Variants in ERBB4 observed in about 807,000 individuals in gnomAD.
The protein encoded by ERBB4 is receptor tyrosine-protein kinase erbB-4.
Under a neutral mutation model 158.0 loss-of-function variants are expected in ERBB4, and 42 were observed. That is an observed-to-expected ratio of 0.27 (90% CI 0.21 to 0.34). The LOEUF (loss-of-function observed/expected upper bound fraction) is 0.34. Among genes scored for constraint, ERBB4 ranks in the 10% least tolerant of loss-of-function variants. The pLI is 1.00. For missense variants in ERBB4, 1,333 were observed against 1,624.1 expected (o/e 0.82, Z 3.08); for synonymous variants, 583 against 558.7 (o/e 1.04, Z -0.61).
At position 212,322,176 on chromosome 2, in the gene ERBB4, G is replaced by A. The variant is rs900549485; in HGVS notation, c.83-197273C>T. ...ATAAAAATAGTTAGGCTTTTCTGTTGAGGCTGGAACTGAAGAGTGAACTGG... is the reference window on the plus strand; with the variant it reads ...ATAAAAATAGTTAGGCTTTTCTGTTAAGGCTGGAACTGAAGAGTGAACTGG... On this transcript the variant is annotated intron_variant, in intron 1 of 27. Transcript: ENST00000342788. Among the ~76,000 whole-genome samples, 9 of 150,364 alleles carry A rather than the reference G, an allele frequency of 6.0e-5. 1 individual carries two copies. Among genetic ancestry groups the A allele is most frequent in the African/African-American group, 2.2e-4 (9 of 41,214 alleles).
chr2:212,169,211 T>C (rs1048643672), intron 1 of ERBB4, among the ~76,000 whole-genome samples: 3 of 152,132 alleles, frequency 2.0e-5, no homozygotes, highest in African/African-American at 7.2e-5. Flanking sequence ...TAAAGAAATA[T>C]GTACAAAAAT....
intron 2 of ERBB4, among the ~76,000 whole-genome samples, chr2:211,964,609 G>T (rs2081264927): frequency 6.6e-6 from 1 of 152,028 alleles, no homozygotes; most frequent in Non-Finnish European, 1.5e-5. Context: ...CCTTAAGCAG[G>T]TTCCAGTACT....
chr2:212,521,709 T>C (rs1309037712), intron 1 of ERBB4, among the ~76,000 whole-genome samples: 1 of 151,974 alleles, frequency 6.6e-6, no homozygotes, highest in Non-Finnish European at 1.5e-5. Context: ...TAATATTCAA[T>C]TCCCTTTTTA....
intron 1 of ERBB4, among the ~76,000 whole-genome samples, chr2:212,289,462 T>C (rs1051596046): frequency 5.3e-5 from 8 of 152,336 alleles, no homozygotes; most frequent in Non-Finnish European, 1.0e-4. Context: ...TAAATCTCTT[T>C]ATAGGTTATT....
chr2:211,992,214 G>T lies in ERBB4; in HGVS notation c.235-44598C>A, dbSNP rs146766149. On this transcript the variant is annotated intron_variant, in intron 2 of 27. Transcript: ENST00000342788. The stretch of plus-strand genomic sequence containing the variant: ...ACACACCAGAGACTGGGAAGAAAAA[G>T]AGGTTTAATTGGACTTACAGTTCCA... Among the ~76,000 whole-genome samples, 119 of 152,222 alleles carry T rather than the reference G, an allele frequency of 7.8e-4. 2 individuals carry two copies. The East Asian group carries it at 0.021, about 27-fold the overall frequency.
At chr2:212,531,481 T>C (rs1692754207) in intron 1 of ERBB4, among the ~76,000 whole-genome samples, 2 of 152,160 alleles carry the variant, frequency 1.3e-5, no homozygotes, top group Non-Finnish European at 2.9e-5. Flanking sequence ...TGAAAGAGGA[T>C]GGCCCAACAA....
At chr2:211,793,442 C>T (rs55993178) in intron 3 of ERBB4, among the ~76,000 whole-genome samples, 7,367 of 151,754 alleles carry the variant, frequency 0.049, 597 homozygotes, top group African/African-American at 0.17. Flanking sequence ...ACAATAGGCG[C>T]ATTTAAATAA....
At chr2:211,791,717 T>C (rs1206259162) in intron 3 of ERBB4, among the ~76,000 whole-genome samples, 2 of 151,872 alleles carry the variant, frequency 1.3e-5, no homozygotes, top group Non-Finnish European at 2.9e-5. Context: ...AAAACAGAAC[T>C]GTCTCTTTTT....
rs79588502 is a variant in ERBB4, at chr2:212,020,251, C to T, written c.235-72635G>A. On this transcript the variant is annotated intron_variant, in intron 2 of 27. Transcript: ENST00000342788. Reference sequence around the variant, plus strand: ...TAGAAGATCAAACTACTTAACAATCCTACGCTTCATCTTTTCTCTCTAAAA... The same window carrying T: ...TAGAAGATCAAACTACTTAACAATCTTACGCTTCATCTTTTCTCTCTAAAA... 6.7e-3 allele frequency among the ~76,000 whole-genome samples: 1,018 copies of T among 152,034 alleles called. 61 individuals carry two copies. In the East Asian group the frequency reaches 0.15, roughly 22 times the overall value.
At chr2:211,402,119 G>A (rs2063056236) in intron 25 of ERBB4, among the ~76,000 whole-genome samples, 1 of 151,892 alleles carries the variant, frequency 6.6e-6, no homozygotes, top group African/African-American at 2.4e-5. Flanking sequence ...GGCATCCCAA[G>A]CTCTCTTAGG....
chr2:212,528,479 CT>C (rs1474552595), intron 1 of ERBB4, among the ~76,000 whole-genome samples: 1 of 152,150 alleles, frequency 6.6e-6, no homozygotes, highest in African/African-American at 2.4e-5. Context: ...AAACTTTCTT[CT>C]CATGGATTCT....
rs150942569 is a variant in ERBB4, at chr2:211,836,887, T to C, written c.422-48728A>G. 1.8e-4 allele frequency among the ~76,000 whole-genome samples: 28 copies of C among 152,112 alleles called. 1 individual carries two copies. The East Asian group carries it at 5.2e-3, about 28-fold the overall frequency. On this transcript the variant is annotated intron_variant, in intron 3 of 27. Coordinates refer to ENST00000342788, the MANE Select transcript of ERBB4 (RefSeq NM_005235.3). ...GCTTTAGTTTTAATAAGAAATTATG[T>C]GTAACATACAAAGGCACAATGGGAG... is the stretch of plus-strand genomic sequence containing the variant.
At chr2:212,532,202 C>T (rs79110726) in intron 1 of ERBB4, among the ~76,000 whole-genome samples, 2,270 of 152,286 alleles carry the variant, frequency 0.015, 55 homozygotes, top group African/African-American at 0.052. Context: ...AATTTCCTTG[C>T]GCTGTCAGTT....
At chr2:211,745,715 G>GAAAAAAAAAAAAAAAAAA (rs776012647) in intron 5 of ERBB4, among the ~76,000 whole-genome samples, 7 of 94,468 alleles carry the variant, frequency 7.4e-5, no homozygotes, top group East Asian at 7.3e-4. Flanking sequence ...TCCACCGCCA[G>GAAAAAAAAAAAAAAAAAA]AAAAAAAACA....
At chr2:212,146,233 T>C (rs530632797) in intron 1 of ERBB4, among the ~76,000 whole-genome samples, 6 of 152,224 alleles carry the variant, frequency 3.9e-5, no homozygotes, top group Admixed American at 1.3e-4. Flanking sequence ...TCCTCAATAA[T>C]GTTAATGCCC....
intron 1 of ERBB4, among the ~76,000 whole-genome samples, chr2:212,513,223 C>A (rs776724021): frequency 3.9e-5 from 6 of 152,048 alleles, no homozygotes; most frequent in Non-Finnish European, 7.4e-5. Context: ...ATGGAAGTAG[C>A]CACGCAATAA....
intron 1 of ERBB4, among the ~76,000 whole-genome samples, chr2:212,144,074 T>C (rs1292976548): frequency 6.6e-6 from 1 of 151,616 alleles, no homozygotes; most frequent in Admixed American, 6.6e-5. Flanking sequence ...TAGAAATAGA[T>C]CAGGAATAGA....
At chr2:211,879,588 T>C (rs1390170993) in intron 3 of ERBB4, among the ~76,000 whole-genome samples, 2 of 152,200 alleles carry the variant, frequency 1.3e-5, no homozygotes, top group Non-Finnish European at 2.9e-5. Flanking sequence ...AAAGATAATA[T>C]AGGATCTGTA....
chr2:211,664,449 A>T (rs1036541015), intron 15 of ERBB4, among the ~76,000 whole-genome samples: 1 of 152,076 alleles, frequency 6.6e-6, no homozygotes, highest in Admixed American at 6.6e-5. Flanking sequence ...CAGTAGGAGG[A>T]TGGCAAATGT....
Sources: allele counts gnomAD v4.1 joint callset (sites outside exome capture counted in the v4.1 genomes callset), GRCh38; gene constraint gnomAD v4.1.1; transcripts MANE v1.5; gene names NCBI Gene and HGNC (gene_info 2026-07-23, HGNC 2026-07-21).